The following VSX1 variants were observed in gnomAD, a reference collection of about 807,000 sequenced individuals.
The protein encoded by VSX1 is visual system homeobox 1, also known as homeodomain protein RINX.
A neutral mutation model predicts 23.6 loss-of-function variants in VSX1; 23 were observed. That is an observed-to-expected ratio of 0.97 (90% CI 0.70 to 1.38). VSX1 has a LOEUF of 1.38. Among genes scored for constraint, VSX1 ranks in the 40% most tolerant of loss-of-function variants. VSX1 has a pLI of 0.00. For missense variants in VSX1, 517 were observed against 495.4 expected (o/e 1.04, Z -0.41); for synonymous variants, 247 against 215.1 (o/e 1.15, Z -1.30).
In VSX1 at chr20:25,077,724, C is replaced by G; in HGVS notation, c.769G>C (p.Glu257Gln). 6.5e-7 allele frequency: 1 copy of G among 1,550,318 alleles called. No individual in the cohort carries two copies. Among genetic ancestry groups the G allele is most frequent in the Non-Finnish European group, 8.7e-7 (1 of 1,146,870 alleles). The stretch of plus-strand genomic sequence containing the variant: ...GCGCAGGAGCCCAGCAGGCCGCCCT[C>G]GGCGGAGTTGAGCACGGAGTCTGGC... ...PLPDSVLNSAEGGLLGSCAPW... is the reference protein window; with the variant it reads ...PLPDSVLNSAQGGLLGSCAPW... The change falls in exon 4 of 5, where the codon GAG becomes CAG. Residue 257 changes from glutamate (E) to glutamine (Q), a missense_variant. Coordinates refer to ENST00000376709, the MANE Select transcript of VSX1 (RefSeq NM_014588.6).
rs755360998 is a variant in VSX1, at chr20:25,078,720, A to C, written c.627+109T>G. The C allele has an allele frequency of 2.5e-6, 4 of 1,613,252 alleles. No homozygotes were observed. In the African/African-American group the frequency reaches 5.3e-5, roughly 22 times the overall value. ...GCTAAGGGACCCTCAGTTTCTATGC[A>C]AAGGGAGCGTGTTGGCTATAGAGAA... On this transcript the variant is annotated intron_variant, in intron 3 of 4. Coordinates refer to ENST00000376709, the MANE Select transcript of VSX1 (RefSeq NM_014588.6).
In VSX1 at chr20:25,076,047, G is replaced by A. The variant is rs2089482661; in HGVS notation, c.*214C>T. ...TTTTGCACCAAGTTAACTGGTTAAA[G>A]TGCCATTAAGGAACCGTTTCCATTC... On this transcript the variant is annotated 3_prime_UTR_variant, in exon 5 of 5. Transcript: ENST00000376709. 1 of 637,940 alleles carries A rather than the reference G, an allele frequency of 1.6e-6. No homozygotes were observed. The highest frequency in any genetic ancestry group is 1.8e-5 in the African/African-American group (1 of 54,760). The allele number at this position is 637,940 out of a possible 1,614,324, so 39.5% of individuals were successfully genotyped here.
chr20:25,082,106 G>C lies in VSX1; in HGVS notation c.-10C>G, dbSNP rs2089665694. The C allele has an allele frequency of 3.9e-6, 6 of 1,535,758 alleles. No individual in the cohort carries two copies. Among genetic ancestry groups the C allele is most frequent in the Non-Finnish European group, 5.2e-6 (6 of 1,147,042 alleles). Reference sequence around the variant, plus strand: ...AGTCCCGGCCGGTCATGGTTCCTTAGCAAGCAAGGCGCGAGCCTCTCTGGA... The same window carrying C: ...AGTCCCGGCCGGTCATGGTTCCTTACCAAGCAAGGCGCGAGCCTCTCTGGA... On this transcript the variant is annotated 5_prime_UTR_variant, in exon 1 of 5. Transcript: ENST00000376709.
Position 25,082,001 on chromosome 20 carries a change from G to T in VSX1, c.96C>A (p.Ala32=). The T allele has an allele frequency of 6.5e-7, 1 of 1,534,524 alleles. No homozygotes were observed. The highest frequency in any genetic ancestry group is 2.4e-5 in the East Asian group (1 of 41,046). The change falls in exon 1 of 5, where the codon GCC becomes GCA. Residue 32 remains alanine (A), a synonymous_variant. Coordinates refer to ENST00000376709, the MANE Select transcript of VSX1 (RefSeq NM_014588.6). ...SPRGSRPRGF[A]ITDLLGLEAE... is the part of the protein sequence containing the mutation. ...CCTCCAAGCCCAGCAGGTCCGTGAT[G>T]GCGAAGCCCCGGGGGCGCGAGCCCC... is the stretch of plus-strand genomic sequence containing the variant.
At chr20:25,079,396 C>T in intron 2 of VSX1, 40 bp downstream of exon 2, 1 of 1,583,466 alleles carries the variant, frequency 6.3e-7, no homozygotes, top group Non-Finnish European at 8.6e-7. Context: ...GGGCTGTGTC[C>T]CGAGGAAAGG....
rs142819908 is a variant in VSX1, at chr20:25,079,194, A to G, written c.503+242T>C. On this transcript the variant is annotated intron_variant, in intron 2 of 4. Transcript: ENST00000376709. ...CTCATTCTGACAAAATCCATTTGAC[A>G]GATCCACAAAATTGTCTTTAAAATG... Among the ~76,000 whole-genome samples the G allele has an allele frequency of 2.7e-3, 413 of 152,338 alleles. 1 individual carries two copies. Among genetic ancestry groups the G allele is most frequent in the African/African-American group, 9.5e-3 (393 of 41,568 alleles).
chr20:25,076,235 G>A lies in VSX1; in HGVS notation c.*26C>T. On this transcript the variant is annotated 3_prime_UTR_variant, in exon 5 of 5. Coordinates refer to ENST00000376709, the MANE Select transcript of VSX1 (RefSeq NM_014588.6). ...CCAGTGAGGAATATGCACATTTTCAGCCTTTGACAGTGGGACCTGTGGGTC... is the reference window on the plus strand; with the variant it reads ...CCAGTGAGGAATATGCACATTTTCAACCTTTGACAGTGGGACCTGTGGGTC... 6.2e-7 allele frequency: 1 copy of A among 1,613,490 alleles called. No individual in the cohort carries two copies. The highest frequency in any genetic ancestry group is 8.5e-7 in the Non-Finnish European group (1 of 1,180,014).
chr20:25,077,930 G>A lies in VSX1; in HGVS notation c.628-65C>T. ...ACAGTGAAGAGGGGCGCCTGGAGGA[G>A]CGGAGGCGGCGTCCCAGGGCTCGGA... On this transcript the variant is annotated intron_variant, in intron 3 of 4. Coordinates refer to ENST00000376709, the MANE Select transcript of VSX1 (RefSeq NM_014588.6). The A allele has an allele frequency of 2.0e-6, 3 of 1,525,578 alleles. No homozygotes were observed. In the Admixed American group the frequency reaches 5.9e-5, roughly 30 times the overall value. The allele number at this position is 1,525,578 out of a possible 1,614,324, so 94.5% of individuals were successfully genotyped here.
At chr20:25,081,407 A>G (rs1568866004) in intron 1 of VSX1, 2 of 740,548 alleles carry the variant, frequency 2.7e-6, no homozygotes, top group East Asian at 2.6e-5. Flanking sequence ...GGGTCTCATC[A>G]AAAGGTTCCA....
At position 25,076,466 on chromosome 20, in the gene VSX1, T is replaced by C. The variant is rs1349520007; in HGVS notation, c.893A>G (p.Lys298Arg). The C allele has an allele frequency of 1.9e-6, 3 of 1,614,188 alleles. No individual in the cohort carries two copies. Among genetic ancestry groups the C allele is most frequent in the Non-Finnish European group, 1.7e-6 (2 of 1,180,034 alleles). ...LAGLWGSDHF[K>R]EGSSQSESGS... ...TGACTCACTCTGGCTAGAACCTTCT[T>C]TGAAGTGGTCAGAGCCCCAGAGTCC... Residue 298 changes from lysine to arginine, a missense_variant, in exon 5 of 5, where the codon AAA (lysine) becomes AGA (arginine). Coordinates refer to ENST00000376709, the MANE Select transcript of VSX1 (RefSeq NM_014588.6).
chr20:25,081,174 C>G (rs1041970596), intron 1 of VSX1, among the ~76,000 whole-genome samples: 6 of 152,222 alleles, frequency 3.9e-5, no homozygotes, highest in Non-Finnish European at 7.3e-5. Flanking sequence ...TTTTCAGCAC[C>G]CCAAGGGGCG....
intron 1 of VSX1, chr20:25,081,391 AC>A: frequency 1.4e-6 from 1 of 718,842 alleles, no homozygotes; most frequent in Middle Eastern, 2.4e-4. Flanking sequence ...GTTGTTGAAG[AC>A]CCCAGGGTCT....
At chr20:25,079,351 G>A in intron 2 of VSX1, 85 bp downstream of exon 2, 2 of 1,373,770 alleles carry the variant, frequency 1.5e-6, no homozygotes. Context: ...ATCATGCCGG[G>A]CCATAAATTC....
downstream of VSX1, chr20:25,070,906 T>G (rs1175772648): frequency 7.3e-6 from 3 of 411,096 alleles, no homozygotes; most frequent in East Asian, 2.1e-4. Context: ...TAAAATTTAA[T>G]TAATTCTTAT....
At chr20:25,071,990 A>C (rs2089389135), downstream of VSX1, 1 of 626,374 alleles carries the variant, frequency 1.6e-6, no homozygotes, top group East Asian at 2.7e-5. Flanking sequence ...AGTCCAGTGA[A>C]CGGGAGCCTC....
Position 25,076,175 on chromosome 20 carries a change from A to G in VSX1, c.*86T>C, listed in dbSNP as rs976933895. On this transcript the variant is annotated 3_prime_UTR_variant, in exon 5 of 5. Coordinates refer to ENST00000376709, the MANE Select transcript of VSX1 (RefSeq NM_014588.6). ...GTCAGAAGAAAATCAAACTGAGAGT[A>G]TATGTCTTGGACAATTTTTGTCTTT... 93 of 1,576,374 alleles carry G rather than the reference A, an allele frequency of 5.9e-5. No homozygotes were observed. The highest frequency in any genetic ancestry group is 7.9e-5 in the Non-Finnish European group (91 of 1,148,894).
chr20:25,082,056 C>A lies in VSX1; in HGVS notation c.41G>T (p.Ser14Ile). 1 of 1,538,648 alleles carries A rather than the reference C, an allele frequency of 6.5e-7. No individual in the cohort carries two copies. The highest frequency in any genetic ancestry group is 2.4e-5 in the East Asian group (1 of 41,558). The change falls in exon 1 of 5, where the codon AGC (serine) becomes ATC (isoleucine). Residue 14 changes from serine (S) to isoleucine (I), a missense_variant. By Grantham distance (142) the Ser-to-Ile change is moderately radical (BLOSUM62 -2). Coordinates refer to ENST00000376709, the MANE Select transcript of VSX1 (RefSeq NM_014588.6). ...GGAACCGCCAGGCACCAGCGCCCTG[C>A]TGCTAGTGCGCCCGTCGGAAAGCGA... Reference protein sequence around the residue: ...RDSLSDGRTSSRALVPGGSPR... With the variant: ...RDSLSDGRTSIRALVPGGSPR...
chr20:25,072,352 G>C (rs1026823224), downstream of VSX1, among the ~76,000 whole-genome samples: 9 of 152,186 alleles, frequency 5.9e-5, no homozygotes, highest in Admixed American at 5.9e-4. Flanking sequence ...AGTTGTCCCA[G>C]TAACTTACCA....
chr20:25,076,885 A>G (rs868729575), intron 4 of VSX1, among the ~76,000 whole-genome samples: 31 of 152,232 alleles, frequency 2.0e-4, no homozygotes, highest in African/African-American at 6.8e-4. Context: ...GTCACTGCCT[A>G]CAATGCTCCC....
Sources: allele counts gnomAD v4.1 joint callset (sites outside exome capture counted in the v4.1 genomes callset), GRCh38; gene constraint gnomAD v4.1.1; transcripts MANE v1.5; gene names NCBI Gene and HGNC (gene_info 2026-07-23, HGNC 2026-07-21).